Variants in TGFBR3 observed in about 807,000 individuals in gnomAD.
TGFBR3 encodes the protein transforming growth factor beta receptor 3, also known as transforming growth factor beta receptor type 3.
TGFBR3 carries 46 observed loss-of-function variants against 87.9 expected under a neutral mutation model. The ratio of observed to expected loss-of-function variants is 0.52; its 90% confidence interval spans 0.41 to 0.67. The LOEUF (loss-of-function observed/expected upper bound fraction) is 0.67, where lower values mean the gene tolerates loss of function less well. Ranked by LOEUF, TGFBR3 falls within the 30% of genes least tolerant of loss-of-function variation. TGFBR3 has a pLI of 0.00. For synonymous variants in TGFBR3, 381 were observed against 391.6 expected (o/e 0.97, Z 0.32); for missense variants, 866 against 1,041.9 (o/e 0.83, Z 2.32).
At chr1:91,857,943 G>A (rs530078209) in intron 2 of TGFBR3, among the ~76,000 whole-genome samples, 2 of 152,176 alleles carry the variant, frequency 1.3e-5, no homozygotes, top group Non-Finnish European at 2.9e-5. Flanking sequence ...CCAAACAAAT[G>A]ATTTCCTTCA....
At chr1:91,773,031 C>T (rs1012591736) in intron 3 of TGFBR3, among the ~76,000 whole-genome samples, 3 of 152,114 alleles carry the variant, frequency 2.0e-5, no homozygotes, top group South Asian at 2.1e-4. Flanking sequence ...CCACAAACCC[C>T]GGTGCTCCCC....
intron 5 of TGFBR3, among the ~76,000 whole-genome samples, chr1:91,732,950 A>G (rs1054775814): frequency 6.6e-6 from 1 of 152,212 alleles, no homozygotes; most frequent in Admixed American, 6.5e-5. Flanking sequence ...TATTCTAACA[A>G]ATTCCAAGGG....
intron 5 of TGFBR3, among the ~76,000 whole-genome samples, chr1:91,730,184 A>C (rs1464918921): frequency 6.6e-6 from 1 of 152,096 alleles, no homozygotes; most frequent in African/African-American, 2.4e-5. Flanking sequence ...GCCCCCAACT[A>C]GGGGCCTCTT....
At chr1:91,845,247 A>G (rs1378828862) in intron 2 of TGFBR3, among the ~76,000 whole-genome samples, 1 of 152,190 alleles carries the variant, frequency 6.6e-6, no homozygotes, top group East Asian at 1.9e-4. Flanking sequence ...ATAAAGTAAG[A>G]TTTGGTCTGG....
chr1:91,726,237 A>G (rs538428881), intron 7 of TGFBR3, among the ~76,000 whole-genome samples: 6 of 152,320 alleles, frequency 3.9e-5, no homozygotes, highest in Admixed American at 1.3e-4. Flanking sequence ...CAAGGCTGAA[A>G]GAATATTTAC....
intron 3 of TGFBR3, among the ~76,000 whole-genome samples, chr1:91,762,257 AAAC>A (rs956140783): frequency 6.6e-6 from 1 of 152,164 alleles, no homozygotes; most frequent in African/African-American, 2.4e-5. Flanking sequence ...AAACCAAACC[AAAC>A]AAAAAACATC....
chr1:91,757,486 T>C (rs1673787156), intron 4 of TGFBR3, among the ~76,000 whole-genome samples: 1 of 152,206 alleles, frequency 6.6e-6, no homozygotes, highest in African/African-American at 2.4e-5. Context: ...ATATACTACT[T>C]CCTGAACTCC....
rs527647731 is a variant in TGFBR3 at position 91,706,550 on chromosome 1, T to G, written c.2287+2113A>C. 3.9e-5 allele frequency among the ~76,000 whole-genome samples: 6 copies of G among 152,326 alleles called. No individual in the cohort carries two copies. The South Asian group carries it at 1.0e-3, about 26-fold the overall frequency. On this transcript the variant is annotated intron_variant, in intron 14 of 16. Transcript: ENST00000212355. Reference sequence around the variant, plus strand: ...AGGAACCCTAGTTCCGGGAATTGCCTGCCCCTTTCTAGGACAGCTCATGAA... The same window carrying G: ...AGGAACCCTAGTTCCGGGAATTGCCGGCCCCTTTCTAGGACAGCTCATGAA...
chr1:91,738,100 C>T (rs551632167), intron 4 of TGFBR3, among the ~76,000 whole-genome samples: 3 of 152,332 alleles, frequency 2.0e-5, no homozygotes, highest in Admixed American at 2.0e-4. Flanking sequence ...ACTGGAACAT[C>T]AGCTCTTCCC....
intron 4 of TGFBR3, among the ~76,000 whole-genome samples, chr1:91,742,622 C>T (rs1673194045): frequency 6.6e-6 from 1 of 152,206 alleles, no homozygotes; most frequent in Non-Finnish European, 1.5e-5. Context: ...AATTAAAACC[C>T]AATCCTCTAA....
intron 2 of TGFBR3, among the ~76,000 whole-genome samples, chr1:91,895,539 T>G (rs192702931): frequency 1.3e-5 from 2 of 152,232 alleles, no homozygotes; most frequent in Admixed American, 1.3e-4. Flanking sequence ...CAGGCTAGTC[T>G]CAAACTCCTG....
intron 4 of TGFBR3, among the ~76,000 whole-genome samples, chr1:91,748,919 T>C (rs1673439391): frequency 6.6e-6 from 1 of 152,026 alleles, no homozygotes; most frequent in Admixed American, 6.6e-5. Context: ...ACTAAGCTCA[T>C]ACATGTAAGT....
chr1:91,840,323 A>C (rs1677222268), intron 2 of TGFBR3, among the ~76,000 whole-genome samples: 1 of 151,804 alleles, frequency 6.6e-6, no homozygotes, highest in Non-Finnish European at 1.5e-5. Context: ...CTCTGTCAAA[A>C]AAAAAAAAAA....
In TGFBR3 at chr1:91,727,790, T is replaced by A; in HGVS notation, c.754A>T (p.Ile252Leu). ...TGAGAAGGTCTTATATCAATTGTTA[T>A]ATCCACCTGGAAAGCACTGTGAATG... ...SNPYSAFQVD[I>L]TIDIRPSQED... The change falls in exon 7 of 17, where the codon ATA becomes TTA. Residue 252 changes from isoleucine to leucine, a missense_variant. Physicochemically the swap from Ile to Leu is conservative, Grantham distance 5. Coordinates refer to ENST00000212355, the MANE Select transcript of TGFBR3 (RefSeq NM_003243.5). 2.5e-6 allele frequency: 4 copies of A among 1,613,960 alleles called. No homozygotes were observed. The highest frequency in any genetic ancestry group is 3.4e-6 in the Non-Finnish European group (4 of 1,179,976).
intron 3 of TGFBR3, among the ~76,000 whole-genome samples, chr1:91,779,689 G>C (rs1674695717): frequency 6.6e-6 from 1 of 152,172 alleles, no homozygotes; most frequent in Admixed American, 6.5e-5. Flanking sequence ...TTACAGAGCT[G>C]GGGAACACAG....
intron 1 of TGFBR3, among the ~76,000 whole-genome samples, chr1:91,885,470 T>C (rs915320243): frequency 1.1e-4 from 16 of 152,024 alleles, no homozygotes; most frequent in African/African-American, 3.6e-4. Flanking sequence ...AGCCACAGCC[T>C]GGGCCACGGC....
At chr1:91,832,995 AAG>A (rs1239401166) in intron 2 of TGFBR3, among the ~76,000 whole-genome samples, 16 of 143,100 alleles carry the variant, frequency 1.1e-4, no homozygotes, top group East Asian at 6.4e-4. Flanking sequence ...GCCACAGAGC[AAG>A]AATCTGTCTC....
Position 91,886,043 on chromosome 1 carries a change from C to A in TGFBR3, c.-279G>T. On this transcript the variant is annotated 5_prime_UTR_variant, in exon 1 of 17. Transcript: ENST00000212355. ...GGGGACTCTCACCTCCTGCAGGGAG[C>A]TCCGGGAATCGCGCAGGGAAAGTGG... The A allele has an allele frequency of 2.2e-6, 1 of 454,018 alleles. No individual in the cohort carries two copies. Among genetic ancestry groups the A allele is most frequent in the South Asian group, 1.6e-5 (1 of 64,454 alleles). 28.1% of individuals were successfully genotyped at this position (454,018 alleles called of 1,614,324 possible).
At chr1:91,823,496 A>G (rs1018996725) in intron 2 of TGFBR3, among the ~76,000 whole-genome samples, 1 of 152,254 alleles carries the variant, frequency 6.6e-6, no homozygotes, top group Non-Finnish European at 1.5e-5. Flanking sequence ...GAATGAATAA[A>G]CAAATTGGGG....
Sources: gnomAD v4.1 joint callset for allele counts (sites outside exome capture counted in the v4.1 genomes callset) on GRCh38, gnomAD v4.1.1 for gene constraint, MANE v1.5 for transcripts, NCBI Gene and HGNC (gene_info 2026-07-23, HGNC 2026-07-21) for gene names.